CCSER1: variants seen among roughly 807,000 people sequenced by gnomAD.
CCSER1 encodes the protein serine-rich coiled-coil domain-containing protein 1.
CCSER1 carries 41 observed loss-of-function variants against 82.0 expected under a neutral mutation model. The ratio of observed to expected loss-of-function variants is 0.50; its 90% CI spans 0.39 to 0.65. The LOEUF (loss-of-function observed/expected upper bound fraction) is 0.65. CCSER1 is among the 30% of genes least tolerant of loss of function. The probability of loss-of-function intolerance (pLI) is 0.00; values close to 1 mark genes in which losing one functional copy is unlikely to be tolerated. For synonymous variants in CCSER1, 414 were observed against 383.9 expected (o/e 1.08, Z -0.92); for missense variants, 1,119 against 1,064.2 (o/e 1.05, Z -0.72).
intron 9 of CCSER1, among the ~76,000 whole-genome samples, chr4:91,041,255 T>C (rs557159391): frequency 1.9e-4 from 29 of 152,184 alleles, no homozygotes; most frequent in Non-Finnish European, 4.0e-4. Context: ...TTTTTACACA[T>C]ATCATTTGAA....
chr4:90,616,429 C>G (rs1424991205), intron 5 of CCSER1, among the ~76,000 whole-genome samples: 2 of 151,944 alleles, frequency 1.3e-5, no homozygotes, highest in African/African-American at 4.8e-5. Context: ...ACCTGTAATC[C>G]TAGCACTTTG....
At chr4:91,382,264 G>T (rs147470583) in intron 10 of CCSER1, among the ~76,000 whole-genome samples, 1 of 152,182 alleles carries the variant, frequency 6.6e-6, no homozygotes, top group Non-Finnish European at 1.5e-5. Context: ...ACCTGCAGAG[G>T]TTTCTGCTGC....
intron 10 of CCSER1, among the ~76,000 whole-genome samples, chr4:91,528,525 C>T (rs567821380): frequency 2.2e-4 from 33 of 152,210 alleles, no homozygotes; most frequent in Admixed American, 5.2e-4. Flanking sequence ...TACATTTCCT[C>T]GGGACTACAT....
At chr4:90,742,699 A>G (rs765902900) in intron 7 of CCSER1, among the ~76,000 whole-genome samples, 2 of 152,192 alleles carry the variant, frequency 1.3e-5, no homozygotes, top group Non-Finnish European at 2.9e-5. Context: ...GTAATAAGGA[A>G]TTAAATGCAA....
intron 10 of CCSER1, among the ~76,000 whole-genome samples, chr4:91,236,214 G>A (rs1472957249): frequency 6.6e-6 from 1 of 152,084 alleles, no homozygotes; most frequent in Admixed American, 6.6e-5. Flanking sequence ...TCAGCCGGGC[G>A]CAGTGGCTCA....
At chr4:90,753,588 A>G (rs953122081) in intron 7 of CCSER1, among the ~76,000 whole-genome samples, 1 of 152,026 alleles carries the variant, frequency 6.6e-6, no homozygotes, top group African/African-American at 2.4e-5. Flanking sequence ...GTACACTATT[A>G]TCAGTATCAT....
chr4:90,974,139 T>A (rs1206525920), intron 9 of CCSER1, among the ~76,000 whole-genome samples: 2 of 151,566 alleles, frequency 1.3e-5, no homozygotes, highest in East Asian at 1.9e-4. Flanking sequence ...GAGATGTAAT[T>A]TGCAGCAATG....
At chr4:90,503,986 C>T (rs1376486924) in intron 5 of CCSER1, among the ~76,000 whole-genome samples, 1 of 152,046 alleles carries the variant, frequency 6.6e-6, no homozygotes, top group Non-Finnish European at 1.5e-5. Context: ...TCTCATATAA[C>T]ATTTATTTCC....
intron 10 of CCSER1, among the ~76,000 whole-genome samples, chr4:91,178,920 T>C (rs1733701005): frequency 6.6e-6 from 1 of 152,222 alleles, no homozygotes; most frequent in Non-Finnish European, 1.5e-5. Flanking sequence ...ATTTGTCATG[T>C]TTTTGCAGTG....
intron 1 of CCSER1, among the ~76,000 whole-genome samples, chr4:90,213,796 G>C (rs957558003): frequency 5.9e-5 from 9 of 152,178 alleles, no homozygotes; most frequent in African/African-American, 2.2e-4. Flanking sequence ...TTAGCAATAT[G>C]AAGATCATTC....
At chr4:90,516,103 G>A (rs1034992933) in intron 5 of CCSER1, among the ~76,000 whole-genome samples, 40 of 152,142 alleles carry the variant, frequency 2.6e-4, no homozygotes, top group African/African-American at 9.4e-4. Flanking sequence ...ATTATAACAC[G>A]CCCTTCTTTG....
chr4:91,226,775 A>G (rs1738236429), intron 10 of CCSER1, among the ~76,000 whole-genome samples: 2 of 151,828 alleles, frequency 1.3e-5, no homozygotes, highest in African/African-American at 4.8e-5. Context: ...TGCACAATGG[A>G]GTTTGCTCTT....
chr4:91,523,760 CTCTTT>C (rs1292937966), intron 10 of CCSER1, among the ~76,000 whole-genome samples: 1 of 152,032 alleles, frequency 6.6e-6, no homozygotes, highest in African/African-American at 2.4e-5. Flanking sequence ...TGATTCTTCT[CTCTTT>C]TCTTCTTTAT....
At chr4:91,396,996 A>C (rs1261209313) in intron 10 of CCSER1, among the ~76,000 whole-genome samples, 1 of 151,932 alleles carries the variant, frequency 6.6e-6, no homozygotes, top group Non-Finnish European at 1.5e-5. Context: ...CCACAATCAC[A>C]CTTCTGCCTA....
rs1399424484 is a variant in CCSER1 at position 90,899,396 on chromosome 4, AAGAG to A, written c.2095-23970_2095-23967del. Among the ~76,000 whole-genome samples, 6 of 152,022 alleles carry A rather than the reference AAGAG, an allele frequency of 3.9e-5. No individual in the cohort carries two copies. The East Asian group carries it at 1.2e-3, about 29-fold the overall frequency. ...CTATGTATAAAATCATTTAATCACA[AAGAG>A]AGATAGTTTGACTTCCTCTCTTTTA... On this transcript the variant is annotated intron_variant, in intron 8 of 10. Transcript: ENST00000509176.
chr4:91,543,886 G>T (rs776871879), intron 10 of CCSER1, among the ~76,000 whole-genome samples: 28 of 152,198 alleles, frequency 1.8e-4, no homozygotes, highest in East Asian at 1.5e-3. Flanking sequence ...GATAATATCC[G>T]GCAGATTGTT....
chr4:90,170,508 G>T (rs556850575), intron 1 of CCSER1, among the ~76,000 whole-genome samples: 16 of 149,018 alleles, frequency 1.1e-4, no homozygotes, highest in South Asian at 8.5e-4. Flanking sequence ...GTTAACCATC[G>T]CCCCCTAGCC....
chr4:91,213,936 C>T (rs559085546), intron 10 of CCSER1, among the ~76,000 whole-genome samples: 4 of 152,206 alleles, frequency 2.6e-5, no homozygotes, highest in Non-Finnish European at 5.9e-5. Flanking sequence ...AACAACATTC[C>T]TATATTTATG....
chr4:90,345,836 T>A (rs1275181990), intron 3 of CCSER1, among the ~76,000 whole-genome samples: 1 of 152,094 alleles, frequency 6.6e-6, no homozygotes, highest in East Asian at 1.9e-4. Context: ...AGAAATCTTA[T>A]GTAATCTCAC....
Sources: allele counts gnomAD v4.1 joint callset (sites outside exome capture counted in the v4.1 genomes callset), GRCh38; gene constraint gnomAD v4.1.1; transcripts MANE v1.5; gene names NCBI Gene and HGNC (gene_info 2026-07-23, HGNC 2026-07-21).